RPS6KA2: variants seen among roughly 807,000 people sequenced by gnomAD.
The protein encoded by RPS6KA2 is ribosomal protein S6 kinase alpha-2.
RPS6KA2 carries 42 observed loss-of-function variants against 91.8 expected under a neutral mutation model. The observed-to-expected ratio is 0.46, with a 90% CI of 0.36 to 0.59. RPS6KA2 has a LOEUF of 0.59. Among genes scored for constraint, RPS6KA2 ranks in the 20% least tolerant of loss-of-function variants. The pLI is 0.00. For synonymous variants in RPS6KA2, 414 were observed against 393.6 expected (o/e 1.05, Z -0.61); for missense variants, 798 against 978.5 (o/e 0.82, Z 2.46).
chr6:166,757,785 C>A, intron 2 of RPS6KA2: 1 of 319,712 alleles, frequency 3.1e-6, no homozygotes, highest in East Asian at 1.0e-4. Context: ...TCACAGGCAC[C>A]AGCTGTGAGT....
chr6:166,682,829 A>G lies in RPS6KA2; in HGVS notation c.124-144045T>C, dbSNP rs115523606. ...ACCTACCTCAGTAAAGAGACAACCC[A>G]TGCATTTGACCACATCCTAAGCCCT... On this transcript the variant is annotated intron_variant, in intron 2 of 21. Transcript: ENST00000503859. Among the ~76,000 whole-genome samples the G allele has an allele frequency of 5.8e-3, 883 of 152,230 alleles. 12 individuals are homozygous for G. The highest frequency in any genetic ancestry group is 0.02 in the African/African-American group (847 of 41,548).
At chr6:166,468,549 C>T (rs1227507796) in intron 11 of RPS6KA2, among the ~76,000 whole-genome samples, 4 of 151,980 alleles carry the variant, frequency 2.6e-5, no homozygotes, top group Non-Finnish European at 5.9e-5. Flanking sequence ...TGCGTGGAGG[C>T]CCCGGACTCC....
At chr6:166,421,378 G>C (rs1778713854) in intron 17 of RPS6KA2, among the ~76,000 whole-genome samples, 1 of 152,226 alleles carries the variant, frequency 6.6e-6, no homozygotes, top group African/African-American at 2.4e-5. Context: ...CTGAGCTGAA[G>C]ATACATAAGA....
chr6:166,823,878 A>G (rs1779966638), intron 2 of RPS6KA2, among the ~76,000 whole-genome samples: 1 of 152,214 alleles, frequency 6.6e-6, no homozygotes, highest in Non-Finnish European at 1.5e-5. Context: ...TAGGGAAGAC[A>G]TAGAGCTTCT....
intron 20 of RPS6KA2, among the ~76,000 whole-genome samples, chr6:166,413,105 C>A (rs527548712): frequency 2.6e-5 from 4 of 152,224 alleles, no homozygotes; most frequent in South Asian, 4.1e-4. Flanking sequence ...ACCTGCCCCC[C>A]CCACCCCATG....
intron 2 of RPS6KA2, among the ~76,000 whole-genome samples, chr6:166,660,667 G>T (rs528001238): frequency 3.3e-5 from 5 of 152,292 alleles, no homozygotes; most frequent in African/African-American, 1.2e-4. Context: ...TGGGTTACAT[G>T]AGAGTGTGTA....
At chr6:166,440,421 C>T (rs549349904) in intron 14 of RPS6KA2, 7 of 152,302 alleles carry the variant, frequency 4.6e-5, no homozygotes, top group East Asian at 3.9e-4. Flanking sequence ...AAGTGCAGCT[C>T]GCTGCCAGCG....
In RPS6KA2 at chr6:166,502,613, A is replaced by T. The variant is rs1439283779; in HGVS notation, c.567-1689T>A. Among the ~76,000 whole-genome samples the T allele has an allele frequency of 3.3e-5, 5 of 152,314 alleles. No homozygotes were observed. In the East Asian group the frequency reaches 9.6e-4, roughly 29 times the overall value. On this transcript the variant is annotated intron_variant, in intron 6 of 20. Transcript: ENST00000265678. ...AGGAGGAGTGGCAACGTCCACACAG[A>T]CTCACAACACGGCACTCCGACTTGG...
chr6:166,524,388 G>A (rs774056288), intron 3 of RPS6KA2, among the ~76,000 whole-genome samples: 2 of 152,134 alleles, frequency 1.3e-5, no homozygotes, highest in Admixed American at 6.5e-5. Context: ...CGCCTACCGA[G>A]ACGAAGGAAT....
intron 2 of RPS6KA2, among the ~76,000 whole-genome samples, chr6:166,721,506 A>T (rs754997211): frequency 2.0e-4 from 30 of 152,250 alleles, no homozygotes; most frequent in Non-Finnish European, 3.7e-4. Flanking sequence ...AACTTCTAGA[A>T]GATCAAGCTT....
intron 2 of RPS6KA2, among the ~76,000 whole-genome samples, chr6:166,828,680 G>T (rs1039477696): frequency 2.6e-5 from 4 of 152,174 alleles, no homozygotes; most frequent in African/African-American, 9.7e-5. Flanking sequence ...ATTGACTAAA[G>T]ATAGATGAAA....
chr6:166,634,526 T>C (rs1787176308), intron 2 of RPS6KA2, among the ~76,000 whole-genome samples: 1 of 152,194 alleles, frequency 6.6e-6, no homozygotes, highest in East Asian at 1.9e-4. Context: ...TGCAAAACTG[T>C]CAGGTTTTAT....
chr6:166,695,278 C>A (rs950908833), intron 2 of RPS6KA2, among the ~76,000 whole-genome samples: 3 of 152,082 alleles, frequency 2.0e-5, no homozygotes, highest in Non-Finnish European at 4.4e-5. Context: ...TGCAGAGCAG[C>A]CCGCTTGAAG....
rs756163248 is a variant in RPS6KA2 at position 166,862,079 on chromosome 6, G to A, written c.63+29C>T. ...CAGAGTTCGGATTCTTGAGGATGCT[G>A]TGAAAAGTGCGTTCTCTCCTGCACT... is the stretch of plus-strand genomic sequence containing the variant. On this transcript the variant is annotated intron_variant, in intron 1 of 21. Transcript: ENST00000503859. The A allele has an allele frequency of 9.9e-6, 16 of 1,613,928 alleles. No homozygotes were observed. The South Asian group carries it at 1.6e-4, about 17-fold the overall frequency.
At position 166,849,265 on chromosome 6, in the gene RPS6KA2, A is replaced by G. The variant is rs1780677082; in HGVS notation, c.123+8935T>C. Among the ~76,000 whole-genome samples the G allele has an allele frequency of 6.6e-6, 1 of 152,202 alleles. No individual in the cohort carries two copies. Among genetic ancestry groups the G allele is most frequent in the South Asian group, 2.1e-4 (1 of 4,830 alleles). On this transcript the variant is annotated intron_variant, in intron 2 of 21. Coordinates refer to the RPS6KA2 transcript ENST00000503859. This position sits in a 1 kb window ranked among gnomAD's most constrained non-coding sequence, Gnocchi z 4.9. ...TGGCGTGGGTAGAGAAGTCTACGGT[A>G]ACCATGCCCCATGCCTCTGCTGGTA...
chr6:166,637,847 C>T (rs1021524150), intron 2 of RPS6KA2, among the ~76,000 whole-genome samples: 1 of 152,220 alleles, frequency 6.6e-6, no homozygotes, highest in Non-Finnish European at 1.5e-5. Flanking sequence ...CCGTGGGGGC[C>T]GCAGGGGACA....
At chr6:166,797,996 G>T (rs145436162) in intron 2 of RPS6KA2, among the ~76,000 whole-genome samples, 200 of 152,306 alleles carry the variant, frequency 1.3e-3, no homozygotes, top group Non-Finnish European at 2.5e-3. Context: ...GTGAAAAGCA[G>T]CAGAAGAAAA....
chr6:166,516,968 A>G (rs1782668647), intron 3 of RPS6KA2, among the ~76,000 whole-genome samples: 1 of 152,260 alleles, frequency 6.6e-6, no homozygotes, highest in African/African-American at 2.4e-5. Context: ...ATTCACATCC[A>G]TTTGGAATGA....
chr6:166,617,762 G>C (rs1453519323), intron 1 of RPS6KA2, among the ~76,000 whole-genome samples: 1 of 152,210 alleles, frequency 6.6e-6, no homozygotes, highest in East Asian at 1.9e-4. Context: ...CCTAGAAGCT[G>C]CGAATTACAT....
Sources: gnomAD v4.1 joint callset for allele counts (sites outside exome capture counted in the v4.1 genomes callset) on GRCh38, gnomAD v4.1.1 for gene constraint, Gnocchi (gnomAD v3.1) non-coding constraint, MANE v1.5 for transcripts, NCBI Gene and HGNC (gene_info 2026-07-23, HGNC 2026-07-21) for gene names.